The following C6 variants were observed in gnomAD, a reference collection of about 807,000 sequenced individuals.
C6 encodes complement component C6.
C6 carries 101 observed loss-of-function variants against 112.9 expected under a neutral mutation model. The ratio of observed to expected loss-of-function variants is 0.89; its 90% CI spans 0.76 to 1.06. The LOEUF is 1.06. C6 is among the 50% of genes least tolerant of loss of function. The pLI is 0.00. For synonymous variants in C6, 431 were observed against 384.1 expected, an observed-to-expected ratio of 1.12 and a Z score of -1.43; for missense variants, 1,202 against 1,104.6, an observed-to-expected ratio of 1.09 and a Z score of -1.25.
upstream of C6, among the ~76,000 whole-genome samples, chr5:41,215,831 A>T (rs1012384776): frequency 1.3e-5 from 2 of 152,142 alleles, no homozygotes; most frequent in Non-Finnish European, 2.9e-5. Context: ...CTGCCAAGAA[A>T]ATAACCACAA....
At chr5:41,208,288 C>A (rs1256249032) in intron 1 of C6, among the ~76,000 whole-genome samples, 1 of 152,110 alleles carries the variant, frequency 6.6e-6, no homozygotes, top group East Asian at 1.9e-4. Context: ...AAAATTGACA[C>A]CCTAACATCA....
chr5:41,203,292 G>A, intron 1 of C6, 42 bp from the exon 2 acceptor site: 1 of 1,592,514 alleles, frequency 6.3e-7, no homozygotes, highest in Non-Finnish European at 8.6e-7. Context: ...ATGCTTTTTT[G>A]AGGTAAACCT....
At chr5:41,249,048 C>A (rs918136270) in intron 1 of C6, among the ~76,000 whole-genome samples, 47 of 151,986 alleles carry the variant, frequency 3.1e-4, no homozygotes, top group Non-Finnish European at 2.9e-5. Flanking sequence ...AAGTTTAATG[C>A]AGAAATAGAA....
At chr5:41,181,940 C>G (rs566799382) in intron 6 of C6, among the ~76,000 whole-genome samples, 2 of 152,292 alleles carry the variant, frequency 1.3e-5, no homozygotes. Context: ...TGCAGTCTAA[C>G]TAAGATACTT....
chr5:41,215,131 C>A (rs1267421767), upstream of C6, among the ~76,000 whole-genome samples: 1 of 152,056 alleles, frequency 6.6e-6, no homozygotes, highest in Non-Finnish European at 1.5e-5. Flanking sequence ...TAGCCTGATG[C>A]CCGTTTTTGT....
At chr5:41,171,026 A>ATC (rs1347794104) in intron 9 of C6, among the ~76,000 whole-genome samples, 3 of 152,188 alleles carry the variant, frequency 2.0e-5, no homozygotes, top group African/African-American at 7.2e-5. Context: ...ATTCCTCTCA[A>ATC]TAAAATGTGT....
At chr5:41,210,945 T>C (rs1185643689) in intron 1 of C6, among the ~76,000 whole-genome samples, 1 of 152,244 alleles carries the variant, frequency 6.6e-6, no homozygotes, top group Non-Finnish European at 1.5e-5. Context: ...TACATATGTT[T>C]ATTGTGGCAC....
chr5:41,158,581 C>A, intron 13 of C6, 93 bp downstream of exon 13: 2 of 749,956 alleles, frequency 2.7e-6, no homozygotes, highest in Non-Finnish European at 4.9e-6. Flanking sequence ...GGAGATTATT[C>A]GAATAGGAAA....
chr5:41,240,099 G>A (rs1316527425), intron 1 of C6, among the ~76,000 whole-genome samples: 1 of 152,124 alleles, frequency 6.6e-6, no homozygotes, highest in Non-Finnish European at 1.5e-5. Context: ...TGAGCTTCCT[G>A]TATCTGGATT....
At chr5:41,177,449 C>T (rs1216153406) in intron 7 of C6, among the ~76,000 whole-genome samples, 1 of 152,076 alleles carries the variant, frequency 6.6e-6, no homozygotes, top group Non-Finnish European at 1.5e-5. Flanking sequence ...CTCAGATTAT[C>T]TTTCTACATA....
chr5:41,227,917 T>G (rs536127929), intron 1 of C6, among the ~76,000 whole-genome samples: 9 of 152,300 alleles, frequency 5.9e-5, no homozygotes, highest in African/African-American at 1.7e-4. Context: ...CCTCCAGCTT[T>G]GCTCTTTTGG....
At chr5:41,229,157 A>AT (rs138841429) in intron 1 of C6, among the ~76,000 whole-genome samples, 188 of 151,394 alleles carry the variant, frequency 1.2e-3, no homozygotes, top group African/African-American at 4.2e-3. Context: ...GATCATGTTA[A>AT]TTTTTTTTCT....
chr5:41,244,130 G>T (rs142275981), intron 1 of C6, among the ~76,000 whole-genome samples: 42 of 152,222 alleles, frequency 2.8e-4, no homozygotes, highest in African/African-American at 9.4e-4. Flanking sequence ...AGATACTTTT[G>T]AACTTAATGT....
chr5:41,181,633 G>T (rs1427136584), intron 6 of C6, 74 bp from the exon 7 acceptor site: 14 of 1,220,824 alleles, frequency 1.1e-5, no homozygotes, highest in African/African-American at 6.0e-5. Flanking sequence ...CTAATGAAAT[G>T]ATGATTTATT....
At chr5:41,214,901 A>T (rs1040786492), upstream of C6, among the ~76,000 whole-genome samples, 3 of 152,230 alleles carry the variant, frequency 2.0e-5, no homozygotes, top group South Asian at 6.2e-4. Context: ...ATGCTGTGGC[A>T]CTGGAAAAAC....
At chr5:41,216,021 T>A (rs571277737), upstream of C6, among the ~76,000 whole-genome samples, 762 of 152,234 alleles carry the variant, frequency 5.0e-3, 5 homozygotes, top group Non-Finnish European at 8.1e-3. Flanking sequence ...TGTGAGTAGA[T>A]AAAGTGAAAT....
intron 8 of C6, among the ~76,000 whole-genome samples, chr5:41,174,057 A>G (rs919808768): frequency 6.6e-6 from 1 of 152,196 alleles, no homozygotes; most frequent in Non-Finnish European, 1.5e-5. Context: ...ATTAAATTGT[A>G]TGTGTCCAGT....
chr5:41,240,688 C>T (rs1740650241), intron 1 of C6, among the ~76,000 whole-genome samples: 1 of 152,154 alleles, frequency 6.6e-6, no homozygotes, highest in Admixed American at 6.5e-5. Context: ...GGCTTTCAGG[C>T]AGCATGCTTG....
intron 1 of C6, among the ~76,000 whole-genome samples, chr5:41,248,155 A>T (rs1041179763): frequency 6.7e-6 from 1 of 149,248 alleles, no homozygotes; most frequent in African/African-American, 2.5e-5. Context: ...ATCTTTCACC[A>T]TATACAAAAA....
Sources: allele counts gnomAD v4.1 joint callset (sites outside exome capture counted in the v4.1 genomes callset), GRCh38; gene constraint gnomAD v4.1.1; transcripts MANE v1.5; gene names NCBI Gene and HGNC (gene_info 2026-07-23, HGNC 2026-07-21).